KIAA0930: variants seen among roughly 807,000 people sequenced by gnomAD.
KIAA0930 encodes uncharacterized protein KIAA0930.
Under a neutral mutation model 43.9 loss-of-function variants are expected in KIAA0930, and 24 were observed. The observed-to-expected ratio is 0.55, with a 90% CI of 0.40 to 0.77. KIAA0930 has a LOEUF of 0.77. Among genes scored for constraint, KIAA0930 ranks in the 30% least tolerant of loss-of-function variants. The pLI is 0.00. For synonymous variants in KIAA0930, 259 were observed against 216.4 expected, an observed-to-expected ratio of 1.20 and a Z score of -1.73; for missense variants, 461 against 574.2, an observed-to-expected ratio of 0.80 and a Z score of 2.02.
intron 2 of KIAA0930, chr22:45,211,331 G>A (rs1184553436): frequency 2.5e-6 from 1 of 398,490 alleles, no homozygotes; most frequent in Non-Finnish European, 4.4e-6. Context: ...AACAGAGAAG[G>A]AAGCATGCAA....
intron 4 of KIAA0930, 54 bp from the exon 5 acceptor site, chr22:45,205,372 C>G: frequency 6.6e-7 from 1 of 1,504,172 alleles, no homozygotes; most frequent in Non-Finnish European, 9.2e-7. Context: ...CACACAGGCC[C>G]AGAGCCAGTC....
intron 1 of KIAA0930, among the ~76,000 whole-genome samples, chr22:45,236,574 C>T (rs1240049900): frequency 6.6e-6 from 1 of 152,060 alleles, no homozygotes; most frequent in East Asian, 1.9e-4. Flanking sequence ...TCCACTGTGG[C>T]CAGGCTGCCA....
chr22:45,236,337 G>A (rs1315514578), intron 1 of KIAA0930: 1 of 152,408 alleles, frequency 6.6e-6, no homozygotes, highest in African/African-American at 2.4e-5. Flanking sequence ...CCGAGGCCAG[G>A]GCTGGGAAAT....
At chr22:45,199,828 A>T in intron 8 of KIAA0930, 45 bp downstream of exon 8, 2 of 1,460,120 alleles carry the variant, frequency 1.4e-6, no homozygotes, top group Non-Finnish European at 1.8e-6. Flanking sequence ...GATCAAGAAG[A>T]GACTGAAGGG....
chr22:45,240,666 C>T lies in KIAA0930; in HGVS notation c.38G>A (p.Ser13Asn). 1 of 1,512,204 alleles carries T rather than the reference C, an allele frequency of 6.6e-7. No individual in the cohort carries two copies. Among genetic ancestry groups the T allele is most frequent in the South Asian group, 1.2e-5 (1 of 83,034 alleles). The allele number at this position is 1,512,204 out of a possible 1,614,324, so 93.7% of individuals were successfully genotyped here. A position where few individuals can be genotyped will look rare whatever the true frequency, so the allele number is the denominator to read the frequency against. Residue 13 changes from serine (S) to asparagine (N), a missense_variant, in exon 1 of 10, where the codon AGC becomes AAC. Ser to Asn is a conservative substitution (Grantham distance 46). Coordinates refer to ENST00000336156, the MANE Select transcript of KIAA0930 (RefSeq NM_001009880.2). Reference sequence around the variant, plus strand: ...GAGGCCGCAGACCTCGCGGCGCAGGCTAAGACGGCCGCGCTCCTCCGCTAT... The same window carrying T: ...GAGGCCGCAGACCTCGCGGCGCAGGTTAAGACGGCCGCGCTCCTCCGCTAT... ...RAIAEERGRL[S>N]LRREVCGLGC...
At chr22:45,228,309 G>C (rs561230812) in intron 1 of KIAA0930, among the ~76,000 whole-genome samples, 88 of 152,284 alleles carry the variant, frequency 5.8e-4, no homozygotes, top group Middle Eastern at 6.8e-3. Flanking sequence ...GTGGTTAAGA[G>C]TGTGGACCAG....
chr22:45,197,844 G>C lies in KIAA0930; in HGVS notation c.1120C>G (p.Leu374Val). Residue 374 changes from leucine to valine, a missense_variant, in exon 9 of 10, where the codon CTT becomes GTT. Physicochemically the swap from Leu to Val is conservative, Grantham distance 32. Transcript: ENST00000336156. ...LKLNRADGNF[L>V]LYAHLTYVTL... ...ACGTAGGTTAAGTGTGCATAGAGAA[G>C]GAAGTTTCCATCTGCTCTGTTCAGC... 6.2e-7 allele frequency: 1 copy of C among 1,614,246 alleles called. No individual in the cohort carries two copies. The highest frequency in any genetic ancestry group is 8.5e-7 in the Non-Finnish European group (1 of 1,180,042).
chr22:45,197,170 A>G lies in KIAA0930; in HGVS notation c.*6T>C, dbSNP rs1241665377. 11 of 1,547,916 alleles carry G rather than the reference A, an allele frequency of 7.1e-6. No homozygotes were observed. In the Admixed American group the frequency reaches 2.0e-4, roughly 28 times the overall value. ...GGCCGGGGCTCTGCGCAGGCTCCGC[A>G]CGCGGCTAGGTCATCAGGATGGGCT... On this transcript the variant is annotated 3_prime_UTR_variant, in exon 10 of 10. Transcript: ENST00000336156.
rs747465669 is a variant in KIAA0930, at chr22:45,197,129, TCCGAGGGCTGGGCCCGG to T, written c.*30_*46del. ...TGGACAGGTAGGCACTTGGCAGCAC[TCCGAGGGCTGGGCCCGG>T]CCGGGGCTCTGCGCAGGCTCCGCAC... On this transcript the variant is annotated 3_prime_UTR_variant, in exon 10 of 10. Coordinates refer to ENST00000336156, the MANE Select transcript of KIAA0930 (RefSeq NM_001009880.2). The T allele has an allele frequency of 6.7e-7, 1 of 1,497,976 alleles. No individual in the cohort carries two copies. Among genetic ancestry groups the T allele is most frequent in the Non-Finnish European group, 9.0e-7 (1 of 1,113,660 alleles). The allele number at this position is 1,497,976 out of a possible 1,614,324, so 92.8% of individuals were successfully genotyped here. A position where few individuals can be genotyped will look rare whatever the true frequency, so the allele number is the denominator to read the frequency against.
chr22:45,212,966 T>TA (rs1161827899), intron 1 of KIAA0930, among the ~76,000 whole-genome samples: 16 of 152,150 alleles, frequency 1.1e-4, no homozygotes, highest in Non-Finnish European at 1.9e-4. Flanking sequence ...AGCCAAGCTC[T>TA]CTCTTATCAA....
In KIAA0930 at chr22:45,205,779, A is replaced by ACCCC; in HGVS notation, c.336+13_336+14insGGGG. The ACCCC allele has an allele frequency of 8.8e-6, 3 of 339,718 alleles. No homozygotes were observed. Among genetic ancestry groups the ACCCC allele is most frequent in the Non-Finnish European group, 1.5e-5 (3 of 201,566 alleles). The allele number at this position is 339,718 out of a possible 1,614,324, so 21.0% of individuals were successfully genotyped here. A position where few individuals can be genotyped will look rare whatever the true frequency, so the allele number is the denominator to read the frequency against. ...ACAGGGCCAATCCGCAGCCCCACCC[A>ACCCC]TCCCACCCCATACCTTCTGCAGGAT... On this transcript the variant is annotated intron_variant, in intron 3 of 9. Transcript: ENST00000336156.
At chr22:45,234,774 G>A (rs1466571844) in intron 1 of KIAA0930, among the ~76,000 whole-genome samples, 4 of 152,164 alleles carry the variant, frequency 2.6e-5, no homozygotes, top group Non-Finnish European at 5.9e-5. Flanking sequence ...CCCAACTCTC[G>A]AGCAGGCATT....
At chr22:45,213,616 C>G in intron 1 of KIAA0930, 1 of 483,082 alleles carries the variant, frequency 2.1e-6, no homozygotes, top group Non-Finnish European at 3.0e-6. Flanking sequence ...GTGATTATTC[C>G]TGGATAAACT....
chr22:45,210,630 T>C (rs2235163), intron 2 of KIAA0930, among the ~76,000 whole-genome samples: 40,119 of 152,006 alleles, frequency 0.26, 5,717 homozygotes, highest in Non-Finnish European at 0.32. Flanking sequence ...CTCTCGATTG[T>C]ACACCCAGAC....
In KIAA0930 at chr22:45,208,648, A is replaced by T. The variant is rs376510893; in HGVS notation, c.217-2736T>A. Among the ~76,000 whole-genome samples, 15 of 152,226 alleles carry T rather than the reference A, an allele frequency of 9.9e-5. No individual in the cohort carries two copies. In the East Asian group the frequency reaches 1.2e-3, roughly 12 times the overall value. ...GAAGGGGCCTCGGTGTTCTCATCACACTCTGTATCTGGGGGCTGGTGAAAC... is the reference window on the plus strand; with the variant it reads ...GAAGGGGCCTCGGTGTTCTCATCACTCTCTGTATCTGGGGGCTGGTGAAAC... On this transcript the variant is annotated intron_variant, in intron 2 of 9. Coordinates refer to ENST00000336156, the MANE Select transcript of KIAA0930 (RefSeq NM_001009880.2).
rs930235078 is a variant in KIAA0930, at chr22:45,200,271, C to A, written c.853-236G>T. ...GCCACCAGTGCTACCCGAGGAGGGG[C>A]CAGGCTGCTGCCGCAAATGGCAGAA... On this transcript the variant is annotated intron_variant, in intron 7 of 9. Coordinates refer to ENST00000336156, the MANE Select transcript of KIAA0930 (RefSeq NM_001009880.2). The A allele has an allele frequency of 3.7e-5, 16 of 437,306 alleles. No homozygotes were observed. In the Admixed American group the frequency reaches 4.2e-4, roughly 11 times the overall value. The allele number at this position is 437,306 out of a possible 1,614,324, so 27.1% of individuals were successfully genotyped here. A position where few individuals can be genotyped will look rare whatever the true frequency, so the allele number is the denominator to read the frequency against.
intron 2 of KIAA0930, 81 bp from the exon 3 acceptor site, chr22:45,205,993 C>G: frequency 6.4e-7 from 1 of 1,563,872 alleles, no homozygotes; most frequent in Admixed American, 1.9e-5. Flanking sequence ...GCAGGCATTA[C>G]GATGGACAAG....
chr22:45,203,721 G>T lies in KIAA0930; in HGVS notation c.657+124C>A, dbSNP rs2083610413. 4.6e-6 allele frequency: 5 copies of T among 1,078,662 alleles called. No individual in the cohort carries two copies. The South Asian group carries it at 6.3e-5, about 14-fold the overall frequency. 66.8% of individuals were successfully genotyped at this position (1,078,662 alleles called of 1,614,324 possible). On this transcript the variant is annotated intron_variant, in intron 6 of 9. Coordinates refer to ENST00000336156, the MANE Select transcript of KIAA0930 (RefSeq NM_001009880.2). ...TAGAAGGAGCCCGGAGGGGCTGCAGGTACCCCTGGCGGCCGCTACCATGCA... is the reference window on the plus strand; with the variant it reads ...TAGAAGGAGCCCGGAGGGGCTGCAGTTACCCCTGGCGGCCGCTACCATGCA...
intron 1 of KIAA0930, among the ~76,000 whole-genome samples, chr22:45,237,073 C>T (rs1295028039): frequency 6.6e-6 from 1 of 152,220 alleles, no homozygotes; most frequent in Non-Finnish European, 1.5e-5. Context: ...TGGGCTGAGG[C>T]CCAGGGCCCA....
Sources: allele counts gnomAD v4.1 joint callset (sites outside exome capture counted in the v4.1 genomes callset), GRCh38; gene constraint gnomAD v4.1.1; transcripts MANE v1.5; gene names NCBI Gene and HGNC (gene_info 2026-07-23, HGNC 2026-07-21).